GAD2: variants seen among roughly 807,000 people sequenced by gnomAD.
GAD2 encodes the protein 65 kDa glutamic acid decarboxylase.
Under a neutral mutation model 80.1 loss-of-function variants are expected in GAD2, and 22 were observed. The ratio of observed to expected loss-of-function variants is 0.27; its 90% CI spans 0.20 to 0.39. GAD2 has a LOEUF of 0.39. Ranked by LOEUF, GAD2 falls within the 10% of genes least tolerant of loss-of-function variation. The pLI, the probability that GAD2 is intolerant of heterozygous loss-of-function variation, is 1.00. For missense variants in GAD2, 624 were observed against 738.4 expected (o/e 0.85, Z 1.80); for synonymous variants, 274 against 256.9 (o/e 1.07, Z -0.64).
chr10:26,300,039 A>T (rs1244815211), intron 15 of GAD2, among the ~76,000 whole-genome samples: 1 of 152,224 alleles, frequency 6.6e-6, no homozygotes, highest in Non-Finnish European at 1.5e-5. Flanking sequence ...GTGGTGGAAG[A>T]TGAGGCCTCA....
At chr10:26,274,534 G>A (rs1416205595) in intron 11 of GAD2, among the ~76,000 whole-genome samples, 1 of 152,156 alleles carries the variant, frequency 6.6e-6, no homozygotes, top group African/African-American at 2.4e-5. Context: ...GCTGCCAAAT[G>A]CCCACCATCC....
In GAD2 at chr10:26,229,759, T is replaced by C. The variant is rs375159804; in HGVS notation, c.822T>C (p.Ile274=). Reference sequence around the variant, plus strand: ...GAATGGCTGCTCTTCCCAGGCTCATTGCCTTCACGTCTGAACATGTATGTG... The same window carrying C: ...GAATGGCTGCTCTTCCCAGGCTCATCGCCTTCACGTCTGAACATGTATGTG... ...EKGMAALPRL[I]AFTSEHSHFS... is the part of the protein sequence containing the mutation. The change falls in exon 7 of 16, where the codon ATT becomes ATC. Residue 274 remains isoleucine, a synonymous_variant. Transcript: ENST00000376261. 6.2e-7 allele frequency: 1 copy of C among 1,612,918 alleles called. No homozygotes were observed. Among genetic ancestry groups the C allele is most frequent in the Non-Finnish European group, 8.5e-7 (1 of 1,178,890 alleles).
At chr10:26,245,387 A>T (rs1220242829) in intron 7 of GAD2, among the ~76,000 whole-genome samples, 23 of 151,752 alleles carry the variant, frequency 1.5e-4, no homozygotes, top group Admixed American at 1.5e-3. Flanking sequence ...TAAAAATAAA[A>T]AAAAAATAAA....
At chr10:26,277,639 T>C (rs1357740764) in intron 11 of GAD2, among the ~76,000 whole-genome samples, 2 of 151,908 alleles carry the variant, frequency 1.3e-5, no homozygotes, top group Non-Finnish European at 2.9e-5. Flanking sequence ...ACCTAAGCTG[T>C]AGTAGCAGAG....
intron 11 of GAD2, among the ~76,000 whole-genome samples, chr10:26,277,531 A>G (rs1845223959): frequency 6.6e-6 from 1 of 152,208 alleles, no homozygotes; most frequent in African/African-American, 2.4e-5. Flanking sequence ...TTCTGGCATT[A>G]ACTCTGCATT....
At chr10:26,233,160 A>G (rs544878391) in intron 7 of GAD2, among the ~76,000 whole-genome samples, 74 of 152,372 alleles carry the variant, frequency 4.9e-4, no homozygotes, top group African/African-American at 1.3e-3. Context: ...TTAGCTAGGT[A>G]GGTAGAGCCA....
At chr10:26,244,088 GA>G (rs1275649795) in intron 7 of GAD2, among the ~76,000 whole-genome samples, 1 of 152,194 alleles carries the variant, frequency 6.6e-6, no homozygotes, top group Non-Finnish European at 1.5e-5. Flanking sequence ...TTTCTCCAGA[GA>G]AGATGCACAA....
chr10:26,270,455 G>C (rs1007604953), intron 9 of GAD2, among the ~76,000 whole-genome samples, 185 bp from the exon 10 acceptor site: 9 of 152,194 alleles, frequency 5.9e-5, no homozygotes, highest in Admixed American at 2.0e-4. Context: ...GCATAGCCTA[G>C]AGAACTCAGA....
At chr10:26,268,926 C>T (rs1250147480) in intron 8 of GAD2, among the ~76,000 whole-genome samples, 193 bp from the exon 9 acceptor site, 1 of 152,164 alleles carries the variant, frequency 6.6e-6, no homozygotes, top group African/African-American at 2.4e-5. Context: ...GTCTGCAAAA[C>T]GTGCCAGAAA....
Position 26,286,435 on chromosome 10 carries a change from G to A in GAD2, c.1327G>A (p.Ala443Thr), listed in dbSNP as rs1589153184. 1 of 1,613,970 alleles carries A rather than the reference G, an allele frequency of 6.2e-7. No individual in the cohort carries two copies. Reference sequence around the variant, plus strand: ...CCTGTCCTATGACACTGGAGACAAGGCCTTACAGTGCGGACGCCACGTTGA... The same window carrying A: ...CCTGTCCTATGACACTGGAGACAAGACCTTACAGTGCGGACGCCACGTTGA... Reference protein sequence around the residue: ...YDLSYDTGDKALQCGRHVDVF... With the variant: ...YDLSYDTGDKTLQCGRHVDVF... The change falls in exon 13 of 16, where the codon GCC (alanine) becomes ACC (threonine). Residue 443 changes from alanine (A) to threonine (T), a missense_variant. Coordinates refer to ENST00000376261, the MANE Select transcript of GAD2 (RefSeq NM_001134366.2).
intron 10 of GAD2, 138 bp downstream of exon 10, chr10:26,270,894 G>A: frequency 1.4e-6 from 1 of 705,372 alleles, no homozygotes; most frequent in South Asian, 1.6e-5. Context: ...TTTTAAAGCT[G>A]GATGAAGCAA....
At chr10:26,298,487 G>A (rs893611969) in intron 15 of GAD2, among the ~76,000 whole-genome samples, 1 of 152,134 alleles carries the variant, frequency 6.6e-6, no homozygotes, top group African/African-American at 2.4e-5. Context: ...CTTACTTTAT[G>A]CCCAAATCTG....
chr10:26,261,489 G>A (rs576119279), intron 8 of GAD2, among the ~76,000 whole-genome samples: 3 of 152,138 alleles, frequency 2.0e-5, no homozygotes, highest in Non-Finnish European at 4.4e-5. Flanking sequence ...TTCGTTAAAT[G>A]TGTGATAGAA....
chr10:26,243,930 T>C (rs1844774078), intron 7 of GAD2, among the ~76,000 whole-genome samples: 1 of 152,240 alleles, frequency 6.6e-6, no homozygotes, highest in African/African-American at 2.4e-5. Context: ...AAGCCTTGTA[T>C]GTAAAATTGG....
intron 9 of GAD2, among the ~76,000 whole-genome samples, chr10:26,269,536 A>T (rs768145871): frequency 1.3e-5 from 2 of 152,224 alleles, no homozygotes; most frequent in Non-Finnish European, 2.9e-5. Context: ...GCAGTTCTTC[A>T]AAAGGGGCCA....
chr10:26,291,248 C>T (rs1367960435), intron 13 of GAD2, among the ~76,000 whole-genome samples: 1 of 152,174 alleles, frequency 6.6e-6, no homozygotes, highest in Non-Finnish European at 1.5e-5. Context: ...ACAGTCCATC[C>T]CAAGTGAACC....
intron 11 of GAD2, among the ~76,000 whole-genome samples, chr10:26,276,578 G>C (rs998245296): frequency 1.3e-5 from 2 of 152,084 alleles, no homozygotes; most frequent in Middle Eastern, 3.4e-3. Context: ...AGTAGAGATG[G>C]GGTTTCACCA....
At chr10:26,282,679 T>G (rs1484364451) in intron 12 of GAD2, among the ~76,000 whole-genome samples, 1 of 152,188 alleles carries the variant, frequency 6.6e-6, no homozygotes, top group Admixed American at 6.5e-5. Flanking sequence ...AACATATACC[T>G]TTGATCACAT....
At chr10:26,275,184 T>A (rs1845184869) in intron 11 of GAD2, among the ~76,000 whole-genome samples, 1 of 152,268 alleles carries the variant, frequency 6.6e-6, no homozygotes, top group South Asian at 2.1e-4. Context: ...CCTGCTCACA[T>A]GATCAGAACA....
Sources: allele counts gnomAD v4.1 joint callset (sites outside exome capture counted in the v4.1 genomes callset), GRCh38; gene constraint gnomAD v4.1.1; transcripts MANE v1.5; gene names NCBI Gene and HGNC (gene_info 2026-07-23, HGNC 2026-07-21).